Variants in ZSCAN32 observed in about 807,000 individuals in gnomAD.
The protein encoded by ZSCAN32 is zinc finger and SCAN domain containing 32.
ZSCAN32 carries 52 observed loss-of-function variants against 47.4 expected under a neutral mutation model. The ratio of observed to expected loss-of-function variants is 1.10; its 90% CI spans 0.88 to 1.38. ZSCAN32 has a LOEUF of 1.38. Ranked by LOEUF, ZSCAN32 falls within the 40% of genes most tolerant of loss-of-function variation. ZSCAN32 has a pLI of 0.00. For synonymous variants in ZSCAN32, 346 were observed against 305.7 expected, an observed-to-expected ratio of 1.13 and a Z score of -1.38; for missense variants, 959 against 846.0, an observed-to-expected ratio of 1.13 and a Z score of -1.66.
At position 3,383,292 on chromosome 16, in the gene ZSCAN32, T is replaced by A; in HGVS notation, c.1654A>T (p.Ser552Cys). The change falls in exon 7 of 7, where the codon AGT (serine) becomes TGT (cysteine). Residue 552 changes from serine (S) to cysteine (C), a missense_variant. Ser to Cys is a moderately radical substitution (Grantham distance 112). Coordinates refer to ENST00000396852, the MANE Select transcript of ZSCAN32 (RefSeq NM_001284527.2). The part of the protein sequence containing the change: ...IHTGEKPHKC[S>C]ECGKGFSERS... Reference sequence around the variant, plus strand: ...TCACTAAAGCCCTTCCCGCACTCACTGCACTTGTGAGGCTTCTCGCCTGTG... The same window carrying A: ...TCACTAAAGCCCTTCCCGCACTCACAGCACTTGTGAGGCTTCTCGCCTGTG... 1 of 1,614,246 alleles carries A rather than the reference T, an allele frequency of 6.2e-7. No individual in the cohort carries two copies. The highest frequency in any genetic ancestry group is 8.5e-7 in the Non-Finnish European group (1 of 1,180,040).
At chr16:3,395,033 C>T (rs1411468405) in intron 2 of ZSCAN32, among the ~76,000 whole-genome samples, 2 of 152,202 alleles carry the variant, frequency 1.3e-5, no homozygotes, top group Non-Finnish European at 2.9e-5. Flanking sequence ...TTATGATTGT[C>T]TGTTTCCCCC....
At chr16:3,388,571 C>A (rs372763249) in intron 5 of ZSCAN32, among the ~76,000 whole-genome samples, 7 of 152,188 alleles carry the variant, frequency 4.6e-5, no homozygotes, top group Admixed American at 1.3e-4. Flanking sequence ...GTATCCCTAA[C>A]GACCTAGAAC....
intron 3 of ZSCAN32, among the ~76,000 whole-genome samples, chr16:3,392,047 A>C (rs148789204): frequency 1.3e-3 from 201 of 152,382 alleles, no homozygotes; most frequent in Non-Finnish European, 2.3e-3. Context: ...GACCCTTGGA[A>C]TATCCATGCA....
intron 2 of ZSCAN32, among the ~76,000 whole-genome samples, chr16:3,395,132 T>C (rs1236799197): frequency 6.6e-6 from 1 of 152,216 alleles, no homozygotes; most frequent in African/African-American, 2.4e-5. Flanking sequence ...AAATCAACTT[T>C]TGTCTTTCAG....
chr16:3,388,480 A>C (rs1412235138), intron 5 of ZSCAN32, among the ~76,000 whole-genome samples: 2 of 152,160 alleles, frequency 1.3e-5, no homozygotes, highest in Non-Finnish European at 2.9e-5. Flanking sequence ...ATCGCCCTCT[A>C]ACATCTTCTG....
chr16:3,392,140 T>C (rs27239), intron 3 of ZSCAN32, among the ~76,000 whole-genome samples: 40,058 of 151,970 alleles, frequency 0.26, 5,393 homozygotes, highest in African/African-American at 0.28. Flanking sequence ...ACACAAAACG[T>C]CACATAATAC....
At chr16:3,390,217 C>G in intron 4 of ZSCAN32, 84 bp from the exon 5 acceptor site, 3 of 1,493,386 alleles carry the variant, frequency 2.0e-6, no homozygotes, top group Non-Finnish European at 2.7e-6. Context: ...TCACAGTTGT[C>G]AGATCAGGGG....
chr16:3,394,238 C>T (rs1329983595), intron 2 of ZSCAN32, among the ~76,000 whole-genome samples: 1 of 152,046 alleles, frequency 6.6e-6, no homozygotes, highest in African/African-American at 2.4e-5. Context: ...TGCACTCCAG[C>T]GTGGACAACA....
intron 6 of ZSCAN32, 100 bp downstream of exon 6, chr16:3,384,359 T>A: frequency 2.0e-6 from 3 of 1,495,518 alleles, no homozygotes; most frequent in Non-Finnish European, 2.7e-6. Context: ...AAGATGATGA[T>A]GATGCCAGGA....
chr16:3,387,433 G>A (rs2032148195), intron 5 of ZSCAN32, among the ~76,000 whole-genome samples: 1 of 152,188 alleles, frequency 6.6e-6, no homozygotes, highest in African/African-American at 2.4e-5. Flanking sequence ...ACACACCAAG[G>A]TAAGAATAAG....
intron 5 of ZSCAN32, among the ~76,000 whole-genome samples, chr16:3,386,599 T>G (rs1596451828): frequency 1.3e-5 from 2 of 152,352 alleles, no homozygotes; most frequent in South Asian, 2.1e-4. Context: ...CACCATGGAA[T>G]ACTATGCAAC....
chr16:3,383,841 A>C, intron 6 of ZSCAN32, 130 bp from the exon 7 acceptor site: 1 of 983,660 alleles, frequency 1.0e-6, no homozygotes. Context: ...GTCTCCTGCT[A>C]ATTAATAGCT....
chr16:3,388,236 C>T (rs944720608), intron 5 of ZSCAN32, among the ~76,000 whole-genome samples: 1 of 152,212 alleles, frequency 6.6e-6, no homozygotes, highest in African/African-American at 2.4e-5. Context: ...GTACTCTGTG[C>T]CAGTGAACTG....
intron 3 of ZSCAN32, 149 bp from the exon 4 acceptor site, chr16:3,390,666 CT>C (rs1334052867): frequency 8.3e-6 from 5 of 603,618 alleles, no homozygotes; most frequent in Non-Finnish European, 1.4e-5. Flanking sequence ...CTCAGATCTT[CT>C]GAATCGGAAA....
chr16:3,398,724 C>A (rs2033606529), intron 1 of ZSCAN32, among the ~76,000 whole-genome samples: 1 of 152,200 alleles, frequency 6.6e-6, no homozygotes. Flanking sequence ...CCTTCCCTAT[C>A]CTCAAGAAGC....
At chr16:3,385,615 C>A (rs1164090288) in intron 5 of ZSCAN32, among the ~76,000 whole-genome samples, 3 of 152,058 alleles carry the variant, frequency 2.0e-5, no homozygotes, top group Non-Finnish European at 2.9e-5. Context: ...AATGGAACAG[C>A]ACAGAGCCCT....
chr16:3,392,236 T>A (rs1788053406), intron 3 of ZSCAN32, among the ~76,000 whole-genome samples: 1 of 152,182 alleles, frequency 6.6e-6, no homozygotes, highest in Admixed American at 6.5e-5. Flanking sequence ...GTACAGGGTT[T>A]CCTTTTCGGG....
intron 3 of ZSCAN32, among the ~76,000 whole-genome samples, chr16:3,392,021 G>T (rs894150118): frequency 1.4e-4 from 21 of 152,214 alleles, no homozygotes; most frequent in African/African-American, 4.6e-4. Flanking sequence ...TATGGAAAAA[G>T]ACTTATAAAA....
intron 4 of ZSCAN32, 132 bp downstream of exon 4, chr16:3,390,291 G>A (rs1192747927): frequency 2.2e-6 from 3 of 1,353,342 alleles, no homozygotes; most frequent in South Asian, 3.0e-5. Context: ...GATGATGTCA[G>A]AGTGGACAGA....
Sources: gnomAD v4.1 joint callset for allele counts (sites outside exome capture counted in the v4.1 genomes callset) on GRCh38, gnomAD v4.1.1 for gene constraint, MANE v1.5 for transcripts, NCBI Gene and HGNC (gene_info 2026-07-23, HGNC 2026-07-21) for gene names.